LRRC8A: variants seen among roughly 807,000 people sequenced by gnomAD.
LRRC8A encodes the protein volume-regulated anion channel subunit LRRC8A.
LRRC8A carries 24 observed loss-of-function variants against 52.5 expected under a neutral mutation model. The observed-to-expected ratio is 0.46, with a 90% CI of 0.33 to 0.64. The LOEUF (loss-of-function observed/expected upper bound fraction) is 0.64. LRRC8A is among the 30% of genes least tolerant of loss of function. The pLI is 0.02. For synonymous variants in LRRC8A, 492 were observed against 494.2 expected, an observed-to-expected ratio of 1.00 and a Z score of 0.06; for missense variants, 677 against 1,094.7, an observed-to-expected ratio of 0.62 and a Z score of 5.38.
At chr9:128,887,686 G>C (rs1194234168) in intron 2 of LRRC8A, among the ~76,000 whole-genome samples, 11 of 151,628 alleles carry the variant, frequency 7.3e-5, no homozygotes, top group Admixed American at 7.2e-4. Flanking sequence ...TTGTCACCCA[G>C]GCTGGAGTGC....
chr9:128,897,587 C>T (rs905370551), intron 2 of LRRC8A, among the ~76,000 whole-genome samples: 2 of 151,884 alleles, frequency 1.3e-5, no homozygotes, highest in Non-Finnish European at 2.9e-5. Context: ...TCTTGTTGCC[C>T]AGGCTGGGGT....
In LRRC8A at chr9:128,908,691, G is replaced by A. The variant is rs776945775; in HGVS notation, c.1527G>A (p.Pro509=). 1.9e-5 allele frequency: 30 copies of A among 1,612,880 alleles called. No individual in the cohort carries two copies. Among genetic ancestry groups the A allele is most frequent in the East Asian group, 4.5e-5 (2 of 44,888 alleles). ...HIKFTDIKEI[P]LWIYSLKTLE... is the part of the protein sequence containing the mutation. ...AGTTCACCGACATCAAGGAGATCCC[G>A]CTGTGGATCTATAGCCTGAAGACAC... Residue 509 remains proline, a synonymous_variant, in exon 3 of 4, where the codon CCG becomes CCA. Transcript: ENST00000372600.
intron 3 of LRRC8A, among the ~76,000 whole-genome samples, chr9:128,912,569 G>C (rs1840603625): frequency 6.6e-6 from 1 of 151,994 alleles, no homozygotes; most frequent in Admixed American, 6.6e-5. Context: ...CTCTTCATTT[G>C]TTTAACAGCC....
At position 128,907,349 on chromosome 9, in the gene LRRC8A, A is replaced by G. The variant is rs1393305986; in HGVS notation, c.185A>G (p.Lys62Arg). Residue 62 changes from lysine (K) to arginine (R), a missense_variant, in exon 3 of 4, where the codon AAG becomes AGG. By Grantham distance (26) the Lys-to-Arg change is conservative. This residue lies in a region of LRRC8A where 32 missense variants were observed against 86.0 expected (regional missense o/e 0.37). Transcript: ENST00000372600. The surrounding 1 kb of genome is among the most constrained non-coding windows in gnomAD (Gnocchi z 9.3). ...TGCCTGCCTTGTAAGTGGGTCACCA[A>G]GGACTCCTGCAATGATTCGTTCCGG... is the stretch of plus-strand genomic sequence containing the variant. ...MICLPCKWVTKDSCNDSFRGW... is the reference protein window; with the variant it reads ...MICLPCKWVTRDSCNDSFRGW... 6.2e-7 allele frequency: 1 copy of G among 1,613,854 alleles called. No homozygotes were observed. The highest frequency in any genetic ancestry group is 1.6e-4 in the Middle Eastern group (1 of 6,062).
At chr9:128,894,219 C>G (rs973904500) in intron 2 of LRRC8A, among the ~76,000 whole-genome samples, 4 of 151,838 alleles carry the variant, frequency 2.6e-5, no homozygotes, top group African/African-American at 9.7e-5. Flanking sequence ...CATGGTGGCT[C>G]ACACCTGTAA....
rs1840843420 is a variant in LRRC8A at position 128,916,877 on chromosome 9, A to C, written c.*506A>C. On this transcript the variant is annotated 3_prime_UTR_variant, in exon 4 of 4. Transcript: ENST00000372600. The surrounding 1 kb of genome is among the most constrained non-coding windows in gnomAD (Gnocchi z 6.1). ...GGCATTTAACACCCACCTGGACTTCAGCAGAGTGGTCCGGGGCGAACCAGC... is the reference window on the plus strand; with the variant it reads ...GGCATTTAACACCCACCTGGACTTCCGCAGAGTGGTCCGGGGCGAACCAGC... 1 of 160,608 alleles carries C rather than the reference A, an allele frequency of 6.2e-6. No homozygotes were observed. Among genetic ancestry groups the C allele is most frequent in the South Asian group, 1.8e-4 (1 of 5,546 alleles). The allele number at this position is 160,608 out of a possible 1,614,324, so 9.9% of individuals were successfully genotyped here.
chr9:128,890,298 G>A (rs988509946), intron 2 of LRRC8A, among the ~76,000 whole-genome samples: 2 of 152,134 alleles, frequency 1.3e-5, no homozygotes, highest in Non-Finnish European at 1.5e-5. Context: ...TGCGTCTTGC[G>A]TCTTGCAGCA....
rs1269487755 is a variant in LRRC8A, at chr9:128,907,074, T to G, written c.-8-83T>G. ...TGGAATTTTGGACAATGGAAGAATTTTCATTGTCTTCTTCCCCTGACCCCT... is the reference window on the plus strand; with the variant it reads ...TGGAATTTTGGACAATGGAAGAATTGTCATTGTCTTCTTCCCCTGACCCCT... On this transcript the variant is annotated intron_variant, in intron 2 of 3. Coordinates refer to ENST00000372600, the MANE Select transcript of LRRC8A (RefSeq NM_019594.4). This position sits in a 1 kb window ranked among gnomAD's most constrained non-coding sequence, Gnocchi z 9.3. 8.6e-7 allele frequency: 1 copy of G among 1,166,170 alleles called. No homozygotes were observed. The highest frequency in any genetic ancestry group is 1.5e-5 in the African/African-American group (1 of 65,038). 72.2% of individuals were successfully genotyped at this position (1,166,170 alleles called of 1,614,324 possible). A position where few individuals can be genotyped will look rare whatever the true frequency, so the allele number is the denominator to read the frequency against.
chr9:128,905,167 A>C (rs192137985), intron 2 of LRRC8A, among the ~76,000 whole-genome samples: 1 of 152,188 alleles, frequency 6.6e-6, no homozygotes. Flanking sequence ...AGCAAGATCC[A>C]ATCTCTTACA....
chr9:128,916,254 G>T lies in LRRC8A; in HGVS notation c.2316G>T (p.Glu772Asp), dbSNP rs369716517. Residue 772 changes from glutamate (E) to aspartate (D), a missense_variant, in exon 4 of 4, where the codon GAG (glutamate) becomes GAT (aspartate). Around this residue, in one of 4 missense-constraint regions of LRRC8A, gnomAD observed 169 missense variants for 217.6 expected, o/e 0.78. Coordinates refer to ENST00000372600, the MANE Select transcript of LRRC8A (RefSeq NM_019594.4). This position sits in a 1 kb window ranked among gnomAD's most constrained non-coding sequence, Gnocchi z 6.1. ...ACCGGCTGGAGTGCCTGCCTGTGGAGCTGGGCGAGTGCCCACTGCTCAAGC... is the reference window on the plus strand; with the variant it reads ...ACCGGCTGGAGTGCCTGCCTGTGGATCTGGGCGAGTGCCCACTGCTCAAGC... ...RGNRLECLPV[E>D]LGECPLLKRS... The T allele has an allele frequency of 3.1e-6, 5 of 1,613,862 alleles. No homozygotes were observed. The highest frequency in any genetic ancestry group is 4.2e-6 in the Non-Finnish European group (5 of 1,179,972).
In LRRC8A at chr9:128,916,339, C is replaced by T. The variant is rs371629774; in HGVS notation, c.2401C>T (p.Arg801Trp). 5.0e-6 allele frequency: 8 copies of T among 1,611,796 alleles called. No homozygotes were observed. Among genetic ancestry groups the T allele is most frequent in the East Asian group, 2.2e-5 (1 of 44,884 alleles). The change falls in exon 4 of 4, where the codon CGG (arginine) becomes TGG (tryptophan). Residue 801 changes from arginine to tryptophan, a missense_variant. By Grantham distance (101) the Arg-to-Trp change is moderately radical (BLOSUM62 -3). Coordinates refer to ENST00000372600, the MANE Select transcript of LRRC8A (RefSeq NM_019594.4). This position sits in a 1 kb window ranked among gnomAD's most constrained non-coding sequence, Gnocchi z 6.1. Reference protein sequence around the residue: ...FNTLPPEVKERLWRADKEQA With the variant: ...FNTLPPEVKEWLWRADKEQA Reference sequence around the variant, plus strand: ...CACACTGCCACCCGAGGTGAAGGAGCGGCTGTGGAGGGCTGACAAGGAGCA... The same window carrying T: ...CACACTGCCACCCGAGGTGAAGGAGTGGCTGTGGAGGGCTGACAAGGAGCA...
At chr9:128,896,350 T>G (rs1425132828) in intron 2 of LRRC8A, among the ~76,000 whole-genome samples, 1 of 152,378 alleles carries the variant, frequency 6.6e-6, no homozygotes, top group East Asian at 1.9e-4. Context: ...TCTGATTTTT[T>G]GCTATTACAA....
chr9:128,889,808 A>C (rs1839535032), intron 2 of LRRC8A, among the ~76,000 whole-genome samples: 1 of 150,330 alleles, frequency 6.7e-6, no homozygotes, highest in Non-Finnish European at 1.5e-5. Context: ...TTTTAATTTA[A>C]TTTTACTTTT....
At chr9:128,898,355 A>C (rs1839903568) in intron 2 of LRRC8A, among the ~76,000 whole-genome samples, 1 of 152,084 alleles carries the variant, frequency 6.6e-6, no homozygotes, top group Non-Finnish European at 1.5e-5. Context: ...CAAGTAGTTG[A>C]TCCAGTAGCT....
rs754617538 is a variant in LRRC8A, at chr9:128,892,959, C to T, written c.-9+6838C>T. ...GTTTACCCGCAGCCCGACTGCCTGC[C>T]GCCCAGGTGTGGGAGCCACGCCAAA... On this transcript the variant is annotated intron_variant, in intron 2 of 3. Coordinates refer to ENST00000372600, the MANE Select transcript of LRRC8A (RefSeq NM_019594.4). This position sits in a 1 kb window ranked among gnomAD's most constrained non-coding sequence, Gnocchi z 5.2. 1.3e-5 allele frequency among the ~76,000 whole-genome samples: 2 copies of T among 152,160 alleles called. No individual in the cohort carries two copies. The highest frequency in any genetic ancestry group is 6.5e-5 in the Admixed American group (1 of 15,282).
intron 2 of LRRC8A, among the ~76,000 whole-genome samples, chr9:128,891,402 A>G (rs1839612665): frequency 6.6e-6 from 1 of 152,122 alleles, no homozygotes; most frequent in African/African-American, 2.4e-5. Flanking sequence ...CTCTACAAAA[A>G]ATTTTTAAAA....
rs1272004664 is a variant in LRRC8A at position 128,908,997 on chromosome 9, C to T, written c.1833C>T (p.Phe611=). The change falls in exon 3 of 4, where the codon TTC becomes TTT. Residue 611 remains phenylalanine (F), a synonymous_variant. Transcript: ENST00000372600. ...TGGAGCGCATCCCCCACTCCATCTT[C>T]AGCCTCCACAACCTGCAGGAGATTG... is the stretch of plus-strand genomic sequence containing the variant. The part of the protein sequence containing the change: ...CDLERIPHSI[F]SLHNLQEIDL... The T allele has an allele frequency of 4.3e-6, 7 of 1,614,184 alleles. No individual in the cohort carries two copies. Among genetic ancestry groups the T allele is most frequent in the Non-Finnish European group, 5.9e-6 (7 of 1,180,032 alleles).
Position 128,885,729 on chromosome 9 carries a change from GA to G in LRRC8A, c.-115-283del, listed in dbSNP as rs1251632020. ...TTGAGAGCAGCCTGGCTAACATGGG[GA>G]AACGCTGTCTCTACTAAAAATACAA... On this transcript the variant is annotated intron_variant, in intron 1 of 3. Transcript: ENST00000372600. 1.4e-4 allele frequency among the ~76,000 whole-genome samples: 22 copies of G among 152,330 alleles called. 1 individual carries two copies. The East Asian group carries it at 3.1e-3, about 21-fold the overall frequency.
rs959562366 is a variant in LRRC8A, at chr9:128,917,036, T to G, written c.*665T>G. ...GTGGCAGTTTTAGTTTTTTGTTTTTTTTTTTTTAATCAAAAAACAATTTTT... is the reference window on the plus strand; with the variant it reads ...GTGGCAGTTTTAGTTTTTTGTTTTTGTTTTTTTAATCAAAAAACAATTTTT... On this transcript the variant is annotated 3_prime_UTR_variant, in exon 4 of 4. Transcript: ENST00000372600. 6 of 145,672 alleles carry G rather than the reference T, an allele frequency of 4.1e-5. No individual in the cohort carries two copies. Among genetic ancestry groups the G allele is most frequent in the Non-Finnish European group, 7.5e-5 (5 of 67,022 alleles). 9.0% of individuals were successfully genotyped at this position (145,672 alleles called of 1,614,324 possible).
Sources: allele counts gnomAD v4.1 joint callset (sites outside exome capture counted in the v4.1 genomes callset), GRCh38; gene constraint gnomAD v4.1.1; regional missense constraint gnomAD v4.1.1; non-coding constraint Gnocchi (gnomAD v3.1); transcripts MANE v1.5; gene names NCBI Gene and HGNC (gene_info 2026-07-23, HGNC 2026-07-21).